The following SASH1 variants were observed in gnomAD, a reference collection of about 807,000 sequenced individuals.
SASH1 encodes the protein SAM and SH3 domain containing 1.
In SASH1, 44 loss-of-function variants were observed where a neutral mutation model predicts 125.2. That is an observed-to-expected ratio of 0.35 (90% CI 0.28 to 0.45). The LOEUF (loss-of-function observed/expected upper bound fraction) is 0.45, where lower values mean the gene tolerates loss of function less well. Among genes scored for constraint, SASH1 ranks in the 20% least tolerant of loss-of-function variants. The pLI is 1.00. For synonymous variants in SASH1, 639 were observed against 649.1 expected (o/e 0.98, Z 0.24); for missense variants, 1,426 against 1,614.5 (o/e 0.88, Z 2.00).
intron 1 of SASH1, among the ~76,000 whole-genome samples, chr6:148,382,462 G>A (rs1392937651): frequency 6.6e-6 from 1 of 152,110 alleles, no homozygotes; most frequent in Non-Finnish European, 1.5e-5. Flanking sequence ...GCTAATTTTT[G>A]TATTTTTAGT....
chr6:148,438,913 T>C (rs1043701046), intron 2 of SASH1, among the ~76,000 whole-genome samples: 1 of 152,280 alleles, frequency 6.6e-6, no homozygotes, highest in African/African-American at 2.4e-5. Context: ...CGATACTCTA[T>C]ATTCGTGCTG....
At chr6:148,527,702 C>A in intron 12 of SASH1, 106 bp downstream of exon 12, 3 of 1,068,390 alleles carry the variant, frequency 2.8e-6, no homozygotes, top group Non-Finnish European at 4.1e-6. Context: ...TACTCCTTGG[C>A]ATTAACCTGC....
At chr6:148,323,741 AT>A (rs1162438782) in intron 1 of SASH1, among the ~76,000 whole-genome samples, 1 of 152,148 alleles carries the variant, frequency 6.6e-6, no homozygotes, top group Non-Finnish European at 1.5e-5. Flanking sequence ...GTTGATACCA[AT>A]TAAAGGGAGG....
At chr6:148,528,773 G>A (rs1781342669) in intron 12 of SASH1, among the ~76,000 whole-genome samples, 1 of 152,128 alleles carries the variant, frequency 6.6e-6, no homozygotes, top group Admixed American at 6.5e-5. Context: ...GCTGGTGTAG[G>A]TGGTGGTTTC....
intron 1 of SASH1, among the ~76,000 whole-genome samples, chr6:148,297,829 C>G (rs71568226): frequency 0.097 from 14,634 of 151,628 alleles, 853 homozygotes; most frequent in East Asian, 0.14. Context: ...GACTCTATCT[C>G]TTAAAAAAAA....
At chr6:148,197,625 G>A in the SASH1 span, among the ~76,000 whole-genome samples, 1 of 152,158 alleles carries the variant, frequency 6.6e-6, no homozygotes, top group Non-Finnish European at 1.5e-5. Context: ...GCTCCTGAGG[G>A]TCATTTTCCT....
At chr6:148,407,547 A>G (rs576270155) in intron 2 of SASH1, among the ~76,000 whole-genome samples, 11 of 152,304 alleles carry the variant, frequency 7.2e-5, no homozygotes, top group African/African-American at 2.2e-4. Context: ...GAGTGTACAA[A>G]TAGCTCTTCA....
chr6:148,525,044 A>T (rs982614696), intron 10 of SASH1: 5 of 455,240 alleles, frequency 1.1e-5, no homozygotes, highest in Non-Finnish European at 1.6e-5. Context: ...TGGTTTTTGC[A>T]TGTTAAGGGG....
chr6:148,463,649 A>AGT (rs1777716206), intron 4 of SASH1, among the ~76,000 whole-genome samples: 1 of 152,124 alleles, frequency 6.6e-6, no homozygotes, highest in Admixed American at 6.5e-5. Context: ...CAGAGCTTAG[A>AGT]GTATGCAAGT....
intron 16 of SASH1, among the ~76,000 whole-genome samples, chr6:148,537,486 A>G (rs919063625): frequency 2.0e-5 from 3 of 152,254 alleles, no homozygotes; most frequent in Admixed American, 2.0e-4. Context: ...TATAAACAAT[A>G]ACTTGTATAA....
intron 2 of SASH1, among the ~76,000 whole-genome samples, chr6:148,408,662 C>T (rs1429723855): frequency 6.6e-6 from 1 of 152,114 alleles, no homozygotes; most frequent in African/African-American, 2.4e-5. Context: ...GATGCACAAA[C>T]GTTTTCATAA....
At chr6:148,421,194 AAAGAAAG>A in intron 2 of SASH1, among the ~76,000 whole-genome samples, 1 of 145,240 alleles carries the variant, frequency 6.9e-6, no homozygotes, top group Middle Eastern at 3.4e-3. Context: ...AGAAAGAAAG[AAAGAAAG>A]AAAGAAAGAA....
chr6:148,443,913 C>T lies in SASH1; in HGVS notation c.386+3506C>T, dbSNP rs570539994. 9.2e-5 allele frequency among the ~76,000 whole-genome samples: 14 copies of T among 152,322 alleles called. No homozygotes were observed. In the South Asian group the frequency reaches 2.9e-3, roughly 32 times the overall value. ...GACCCTCAAAGGGTGACCTGGCGAA[C>T]CAGTTGGCTGTGTCTGGTTGGTGTC... On this transcript the variant is annotated intron_variant, in intron 4 of 19. Coordinates refer to ENST00000367467, the MANE Select transcript of SASH1 (RefSeq NM_015278.5).
intron 2 of SASH1, among the ~76,000 whole-genome samples, chr6:148,409,937 TCAAA>T (rs1281651333): frequency 6.6e-6 from 1 of 151,346 alleles, no homozygotes; most frequent in Non-Finnish European, 1.5e-5. Context: ...AGACTCCATC[TCAAA>T]CAAACAAACA....
the SASH1 span, among the ~76,000 whole-genome samples, chr6:148,207,159 T>A: frequency 3.3e-5 from 5 of 152,202 alleles, no homozygotes; most frequent in African/African-American, 9.6e-5. Context: ...TGATTTTCCA[T>A]GTCCTCCAGA....
the SASH1 span, among the ~76,000 whole-genome samples, chr6:148,244,932 ATGTG>A: frequency 4.5e-4 from 54 of 119,928 alleles, no homozygotes; most frequent in South Asian, 6.8e-3. Flanking sequence ...GTGTGTGTGT[ATGTG>A]TGTGTGTGTG....
chr6:148,233,364 G>A, the SASH1 span, among the ~76,000 whole-genome samples: 7 of 152,066 alleles, frequency 4.6e-5, no homozygotes, highest in African/African-American at 1.4e-4. Flanking sequence ...GAGAAAGAGG[G>A]GGAAGCTTTC....
chr6:148,282,668 CCACG>C (rs1562304765), intron 1 of SASH1, among the ~76,000 whole-genome samples: 1 of 152,068 alleles, frequency 6.6e-6, no homozygotes, highest in Non-Finnish European at 1.5e-5. Flanking sequence ...ACGTGAGCCA[CCACG>C]CCCAGCCTCA....
At chr6:148,285,331 T>G (rs1779454223) in intron 1 of SASH1, among the ~76,000 whole-genome samples, 1 of 152,230 alleles carries the variant, frequency 6.6e-6, no homozygotes, top group South Asian at 2.1e-4. Flanking sequence ...AAGTCCTGTT[T>G]GTTTCCCTGG....
Sources: gnomAD v4.1 joint callset for allele counts (sites outside exome capture counted in the v4.1 genomes callset) on GRCh38, gnomAD v4.1.1 for gene constraint, MANE v1.5 for transcripts, NCBI Gene and HGNC (gene_info 2026-07-23, HGNC 2026-07-21) for gene names.